The following WDR19 variants were observed in gnomAD, a reference collection of about 807,000 sequenced individuals.
WDR19 encodes the protein WD repeat domain 19, also known as WD repeat-containing protein 19.
WDR19 carries 121 observed loss-of-function variants against 180.0 expected under a neutral mutation model. The ratio of observed to expected loss-of-function variants is 0.67; its 90% confidence interval spans 0.58 to 0.78. The LOEUF (loss-of-function observed/expected upper bound fraction) is 0.78, where lower values mean the gene tolerates loss of function less well. Ranked by LOEUF, WDR19 falls within the 30% of genes least tolerant of loss-of-function variation. WDR19 has a pLI of 0.00. For missense variants in WDR19, 1,450 were observed against 1,640.7 expected (o/e 0.88, Z 2.01); for synonymous variants, 497 against 540.7 (o/e 0.92, Z 1.12).
chr4:39,246,919 C>T (rs1020736604), intron 24 of WDR19, among the ~76,000 whole-genome samples: 2 of 152,262 alleles, frequency 1.3e-5, no homozygotes, highest in Non-Finnish European at 2.9e-5. Flanking sequence ...TAGGCTCCAC[C>T]TCTGAGGGCA....
chr4:39,252,823 G>GA (rs919251703), intron 24 of WDR19, among the ~76,000 whole-genome samples: 1 of 151,692 alleles, frequency 6.6e-6, no homozygotes, highest in South Asian at 2.1e-4. Flanking sequence ...CTATAATTGT[G>GA]AAAAAAATCT....
intron 5 of WDR19, among the ~76,000 whole-genome samples, chr4:39,195,137 A>G (rs1263562461): frequency 6.6e-6 from 1 of 151,814 alleles, no homozygotes; most frequent in Non-Finnish European, 1.5e-5. Flanking sequence ...GGAGGCCAAG[A>G]TGGGTGGATC....
intron 36 of WDR19, among the ~76,000 whole-genome samples, chr4:39,278,917 T>G (rs977725072): frequency 6.6e-6 from 1 of 152,186 alleles, no homozygotes; most frequent in East Asian, 1.9e-4. Flanking sequence ...CTCACAGGGG[T>G]CTTTTTAATC....
In WDR19 at chr4:39,219,051, T is replaced by G. The variant is rs1011405260; in HGVS notation, c.1479+946T>G. On this transcript the variant is annotated intron_variant, in intron 14 of 36. Coordinates refer to ENST00000399820, the MANE Select transcript of WDR19 (RefSeq NM_025132.4). Reference sequence around the variant, plus strand: ...TGTCATCTCCTGTGATAACAATGCCTTCTTCTGGATACCTCCTGAAGGACC... The same window carrying G: ...TGTCATCTCCTGTGATAACAATGCCGTCTTCTGGATACCTCCTGAAGGACC... The G allele has an allele frequency of 2.0e-5, 3 of 152,326 alleles. No individual in the cohort carries two copies. The East Asian group carries it at 5.8e-4, about 29-fold the overall frequency. The allele number at this position is 152,326 out of a possible 1,614,324, so 9.4% of individuals were successfully genotyped here. A position where few individuals can be genotyped will look rare whatever the true frequency, so the allele number is the denominator to read the frequency against.
Position 39,199,467 on chromosome 4 carries a change from C to G in WDR19, c.407-11C>G. On this transcript the variant is annotated splice_polypyrimidine_tract_variant and intron_variant, in intron 5 of 36. Coordinates refer to ENST00000399820, the MANE Select transcript of WDR19 (RefSeq NM_025132.4). ...ATCCACATGTCTGTATAAAAATAAT[C>G]TCTTTTTCAGGAAAACATACTAAGA... The G allele has an allele frequency of 6.2e-7, 1 of 1,604,086 alleles. No homozygotes were observed. The highest frequency in any genetic ancestry group is 1.1e-5 in the South Asian group (1 of 90,108).
intron 9 of WDR19, among the ~76,000 whole-genome samples, chr4:39,212,513 C>G (rs1287853060): frequency 6.6e-6 from 1 of 152,110 alleles, no homozygotes; most frequent in Admixed American, 6.5e-5. Context: ...AAAAGATGGC[C>G]GGACGCGGTG....
intron 19 of WDR19, among the ~76,000 whole-genome samples, chr4:39,234,246 A>T (rs1216828456): frequency 6.6e-6 from 1 of 152,180 alleles, no homozygotes; most frequent in Non-Finnish European, 1.5e-5. Context: ...TTATATTTAG[A>T]ATTATGTACC....
At chr4:39,200,640 G>A (rs1442319248) in intron 6 of WDR19, among the ~76,000 whole-genome samples, 2 of 152,178 alleles carry the variant, frequency 1.3e-5, no homozygotes, top group African/African-American at 4.8e-5. Flanking sequence ...GAGAGTGAGA[G>A]CAGCCATTCA....
chr4:39,240,640 T>C (rs537159417), intron 21 of WDR19, among the ~76,000 whole-genome samples: 86 of 152,298 alleles, frequency 5.6e-4, no homozygotes, highest in African/African-American at 2.0e-3. Flanking sequence ...CATAAGGTTT[T>C]TCCTTTTGCT....
chr4:39,220,559 G>GCTTTTTTT (rs1491452795), intron 14 of WDR19, among the ~76,000 whole-genome samples: 1 of 39,806 alleles, frequency 2.5e-5, no homozygotes, highest in Non-Finnish European at 4.9e-5. Context: ...AGACCTCCTT[G>GCTTTTTTT]ATTTTTTTTT....
At chr4:39,233,452 G>T (rs1731086636) in intron 19 of WDR19, among the ~76,000 whole-genome samples, 1 of 152,130 alleles carries the variant, frequency 6.6e-6, no homozygotes, top group Admixed American at 6.5e-5. Context: ...TAACCCACGG[G>T]ATATTTGTAA....
intron 24 of WDR19, 75 bp from the exon 25 acceptor site, chr4:39,253,071 T>G (rs577471776): frequency 7.0e-7 from 1 of 1,429,062 alleles, no homozygotes; most frequent in Admixed American, 2.5e-5. Flanking sequence ...TTTAAAAGTG[T>G]CCTAAACATT....
Position 39,253,128 on chromosome 4 carries a change from T to A in WDR19, c.2730-18T>A, listed in dbSNP as rs1315893024. 20 of 1,554,622 alleles carry A rather than the reference T, an allele frequency of 1.3e-5. No individual in the cohort carries two copies. The highest frequency in any genetic ancestry group is 1.6e-5 in the Non-Finnish European group (19 of 1,156,238). On this transcript the variant is annotated intron_variant, in intron 24 of 36. Coordinates refer to ENST00000399820, the MANE Select transcript of WDR19 (RefSeq NM_025132.4). ...TTGACAGTGTTAAAAAAAGTTTATC[T>A]GAGCTATTTTTTTACAGATACAAAG...
At chr4:39,224,350 G>A (rs149141933) in intron 14 of WDR19, among the ~76,000 whole-genome samples, 9 of 151,912 alleles carry the variant, frequency 5.9e-5, no homozygotes, top group African/African-American at 2.2e-4. Context: ...TTAATCACAG[G>A]TACAGTCCCA....
intron 15 of WDR19, among the ~76,000 whole-genome samples, chr4:39,225,504 C>T (rs559365202): frequency 6.6e-6 from 1 of 152,194 alleles, no homozygotes; most frequent in South Asian, 2.1e-4. Flanking sequence ...ATCAGTCACT[C>T]ATATTTTTAA....
intron 24 of WDR19, among the ~76,000 whole-genome samples, chr4:39,252,504 A>G (rs1030391760): frequency 6.7e-6 from 1 of 148,310 alleles, no homozygotes; most frequent in African/African-American, 2.5e-5. Context: ...AACTTAAAGT[A>G]TAATAATAAA....
chr4:39,281,793 A>G (rs1423245543), intron 36 of WDR19, among the ~76,000 whole-genome samples: 1 of 152,170 alleles, frequency 6.6e-6, no homozygotes, highest in Non-Finnish European at 1.5e-5. Flanking sequence ...GGCGATAATC[A>G]TCGTGTTGAC....
rs1275248219 is a variant in WDR19 at position 39,228,616 on chromosome 4, C to T, written c.1908C>T (p.Gly636=). Reference sequence around the variant, plus strand: ...ACAACATCTACCTTAGCACCCATGGCTTTCTCAGCAACTTAAAAGATACGG... The same window carrying T: ...ACAACATCTACCTTAGCACCCATGGTTTTCTCAGCAACTTAAAAGATACGG... ...KVNNIYLSTH[G]FLSNLKDTGP... Residue 636 remains glycine, a synonymous_variant, in exon 17 of 37, where the codon GGC becomes GGT. Coordinates refer to ENST00000399820, the MANE Select transcript of WDR19 (RefSeq NM_025132.4). The T allele has an allele frequency of 1.2e-6, 2 of 1,613,368 alleles. No homozygotes were observed. Among genetic ancestry groups the T allele is most frequent in the Non-Finnish European group, 1.7e-6 (2 of 1,179,620 alleles).
intron 36 of WDR19, among the ~76,000 whole-genome samples, chr4:39,284,287 C>T (rs1278145981): frequency 6.9e-6 from 1 of 145,506 alleles, no homozygotes. Flanking sequence ...TAGTTTTGAT[C>T]TATATTCTAG....
Sources: gnomAD v4.1 joint callset for allele counts (sites outside exome capture counted in the v4.1 genomes callset) on GRCh38, gnomAD v4.1.1 for gene constraint, MANE v1.5 for transcripts, NCBI Gene and HGNC (gene_info 2026-07-23, HGNC 2026-07-21) for gene names.